The following TEX9 variants were observed in gnomAD, a reference collection of about 807,000 sequenced individuals.
TEX9 encodes testis-expressed protein 9.
Under a neutral mutation model 59.6 loss-of-function variants are expected in TEX9, and 74 were observed. The observed-to-expected ratio is 1.24, with a 90% CI of 1.03 to 1.51. The LOEUF is 1.51. Ranked by LOEUF, TEX9 falls within the 40% of genes most tolerant of loss-of-function variation. TEX9 has a pLI of 0.00. For missense variants in TEX9, 522 were observed against 447.8 expected, an observed-to-expected ratio of 1.17 and a Z score of -1.49; for synonymous variants, 186 against 152.2, an observed-to-expected ratio of 1.22 and a Z score of -1.64.
chr15:56,441,736 C>G (rs1289978988), intron 12 of TEX9, among the ~76,000 whole-genome samples: 4 of 152,254 alleles, frequency 2.6e-5, no homozygotes, highest in Middle Eastern at 3.4e-3. Context: ...ATAGACTGGC[C>G]AGGCACGGTG....
At chr15:56,460,002 A>AT in the TEX9 span, among the ~76,000 whole-genome samples, 29 of 57,212 alleles carry the variant, frequency 5.1e-4, no homozygotes, top group African/African-American at 1.8e-3. Context: ...AAAAAAAAAA[A>AT]AAAAAAAATA....
At chr15:56,290,798 T>C (rs1381167655) in intron 1 of TEX9, among the ~76,000 whole-genome samples, 1 of 151,790 alleles carries the variant, frequency 6.6e-6, no homozygotes, top group Non-Finnish European at 1.5e-5. Context: ...TTTTTTTTTT[T>C]CTTTTTCTCC....
At chr15:56,420,406 C>G (rs2049924627) in intron 10 of TEX9, among the ~76,000 whole-genome samples, 1 of 151,542 alleles carries the variant, frequency 6.6e-6, no homozygotes, top group African/African-American at 2.4e-5. Context: ...CTCCCAGGTT[C>G]AAGCGGTTCT....
chr15:56,267,585 A>C (rs149071033), intron 1 of TEX9, among the ~76,000 whole-genome samples: 4,492 of 152,228 alleles, frequency 0.03, 213 homozygotes, highest in African/African-American at 0.1. Context: ...TAAATAGGGA[A>C]TCCTTTCCCC....
intron 1 of TEX9, among the ~76,000 whole-genome samples, chr15:56,281,693 A>T (rs1178443629): frequency 1.3e-5 from 2 of 152,198 alleles, no homozygotes; most frequent in African/African-American, 4.8e-5. Flanking sequence ...CTACCCCATG[A>T]AGTAATTTTG....
intron 3 of TEX9, among the ~76,000 whole-genome samples, chr15:56,379,255 T>C (rs976588101): frequency 6.6e-6 from 1 of 152,136 alleles, no homozygotes; most frequent in South Asian, 2.1e-4. Context: ...GTGTTTTCAT[T>C]ATCATTTGTT....
intron 12 of TEX9, among the ~76,000 whole-genome samples, chr15:56,439,591 A>G (rs1401029455): frequency 6.6e-6 from 1 of 152,178 alleles, no homozygotes; most frequent in Non-Finnish European, 1.5e-5. Flanking sequence ...GTTTTAAGAA[A>G]GGTGCAAAAG....
At chr15:56,437,549 C>G (rs2050748558) in intron 12 of TEX9, among the ~76,000 whole-genome samples, 2 of 152,102 alleles carry the variant, frequency 1.3e-5, no homozygotes, top group South Asian at 2.1e-4. Flanking sequence ...CCTTTGAAAA[C>G]TGGCACAAGA....
At chr15:56,264,073 C>A (rs1221039817) in intron 1 of TEX9, among the ~76,000 whole-genome samples, 1 of 152,196 alleles carries the variant, frequency 6.6e-6, no homozygotes, top group South Asian at 2.1e-4. Flanking sequence ...TAATGTGAAC[C>A]CATTTTCCTT....
chr15:56,276,921 T>C (rs1046371517), intron 1 of TEX9, among the ~76,000 whole-genome samples: 2 of 152,234 alleles, frequency 1.3e-5, no homozygotes, highest in Non-Finnish European at 2.9e-5. Context: ...TGATCAGTGA[T>C]GATGAGCCTT....
At chr15:56,319,396 A>G (rs1316790934) in intron 1 of TEX9, among the ~76,000 whole-genome samples, 2 of 151,780 alleles carry the variant, frequency 1.3e-5, no homozygotes, top group Admixed American at 6.6e-5. Flanking sequence ...CATAAGACAA[A>G]TCACAGATCA....
rs537132904 is a variant in TEX9 at position 56,434,786 on chromosome 15, T to G, written c.*29+6313T>G. ...AAAAGCTGTCCAAACCACCCATAAG[T>G]ATTTTTCAGTTTCCAACCTCCTCCT... On this transcript the variant is annotated intron_variant, in intron 12 of 12. Coordinates refer to ENST00000352903, the Ensembl canonical transcript of TEX9. Among the ~76,000 whole-genome samples, 9 of 152,212 alleles carry G rather than the reference T, an allele frequency of 5.9e-5. No individual in the cohort carries two copies. In the South Asian group the frequency reaches 1.5e-3, roughly 25 times the overall value.
intron 1 of TEX9, among the ~76,000 whole-genome samples, chr15:56,318,834 A>T (rs942439037): frequency 6.6e-6 from 1 of 152,056 alleles, no homozygotes; most frequent in Non-Finnish European, 1.5e-5. Context: ...CCTTTGTGCT[A>T]TTATTGTCAC....
At chr15:56,371,991 C>G (rs753055263) in intron 2 of TEX9, among the ~76,000 whole-genome samples, 1 of 152,178 alleles carries the variant, frequency 6.6e-6, no homozygotes, top group Non-Finnish European at 1.5e-5. Flanking sequence ...GTTGCTCTCA[C>G]TTTGAATTGC....
upstream of TEX9, among the ~76,000 whole-genome samples, chr15:56,365,184 G>C (rs564521727): frequency 6.6e-6 from 1 of 152,324 alleles, no homozygotes; most frequent in South Asian, 2.1e-4. Flanking sequence ...GGACCTGCCT[G>C]TTTTGGCTGA....
intron 1 of TEX9, among the ~76,000 whole-genome samples, chr15:56,277,997 C>T (rs1296646178): frequency 6.6e-6 from 1 of 151,596 alleles, no homozygotes; most frequent in Non-Finnish European, 1.5e-5. Flanking sequence ...TCTTTGGTTT[C>T]CCCTTTCCAC....
intron 1 of TEX9, among the ~76,000 whole-genome samples, chr15:56,338,065 G>T (rs2046291863): frequency 2.0e-5 from 3 of 152,030 alleles, no homozygotes; most frequent in Admixed American, 2.0e-4. Context: ...TTCCTTCCCT[G>T]CTAGTCCTTT....
rs187241504 is a variant in TEX9 at position 56,374,615 on chromosome 15, G to A, written c.183+1111G>A. ...ATTTTGACTATAATAAACATGTTGT[G>A]CTGTCAAATACTAGGTACTATTCAT... On this transcript the variant is annotated intron_variant, in intron 3 of 12. Transcript: ENST00000352903. 9.0e-4 allele frequency: 137 copies of A among 152,212 alleles called. 2 individuals are homozygous for A. Among genetic ancestry groups the A allele is most frequent in the African/African-American group, 3.0e-3 (126 of 41,532 alleles). The allele number at this position is 152,212 out of a possible 1,614,324, so 9.4% of individuals were successfully genotyped here.
At chr15:56,327,409 A>T (rs1158363891) in intron 1 of TEX9, among the ~76,000 whole-genome samples, 1 of 152,218 alleles carries the variant, frequency 6.6e-6, no homozygotes, top group Non-Finnish European at 1.5e-5. Context: ...AGATATAAAC[A>T]GTATGGGAAA....
Sources: gnomAD v4.1 joint callset for allele counts (sites outside exome capture counted in the v4.1 genomes callset) on GRCh38, gnomAD v4.1.1 for gene constraint, MANE v1.5 for transcripts, NCBI Gene and HGNC (gene_info 2026-07-23, HGNC 2026-07-21) for gene names.